PCDHGB6: variants seen among roughly 807,000 people sequenced by gnomAD.
PCDHGB6 encodes the protein protocadherin gamma subfamily B, 6, also known as protocadherin gamma-B6.
Under a neutral mutation model 59.1 loss-of-function variants are expected in PCDHGB6, and 51 were observed. The observed-to-expected ratio is 0.86, with a 90% CI of 0.69 to 1.09. The LOEUF is 1.09. Among genes scored for constraint, PCDHGB6 ranks in the 50% least tolerant of loss-of-function variants. PCDHGB6 has a pLI of 0.00. For synonymous variants in PCDHGB6, 466 were observed against 495.1 expected, an observed-to-expected ratio of 0.94 and a Z score of 0.78; for missense variants, 1,148 against 1,205.1, an observed-to-expected ratio of 0.95 and a Z score of 0.70.
Position 141,477,966 on chromosome 5 carries a change from G to A in PCDHGB6, c.2419-16841G>A, listed in dbSNP as rs2099426792. 6.2e-7 allele frequency: 1 copy of A among 1,614,118 alleles called. No individual in the cohort carries two copies. The highest frequency in any genetic ancestry group is 8.5e-7 in the Non-Finnish European group (1 of 1,180,036). ...AGTCTCTTGGGATCCCCTAACCAGAGCCTTTTTGCCATAGGGCTGCACACT... is the reference window on the plus strand; with the variant it reads ...AGTCTCTTGGGATCCCCTAACCAGAACCTTTTTGCCATAGGGCTGCACACT... On this transcript the variant is annotated intron_variant, in intron 1 of 3. Transcript: ENST00000520790. This position sits in a 1 kb window ranked among gnomAD's most constrained non-coding sequence, Gnocchi z 4.9.
chr5:141,428,392 T>A, intron 1 of PCDHGB6: 1 of 497,196 alleles, frequency 2.0e-6, no homozygotes, highest in Admixed American at 3.1e-5. Flanking sequence ...TTCCAGCCCC[T>A]CTGCCTGGGG....
At chr5:141,415,293 C>T in intron 1 of PCDHGB6, 1 of 1,614,192 alleles carries the variant, frequency 6.2e-7, no homozygotes, top group Non-Finnish European at 8.5e-7. Flanking sequence ...CGGTCTCCTG[C>T]GTCTTCCTGG....
Position 141,511,380 on chromosome 5 carries a change from C to T in PCDHGB6, c.*207C>T, listed in dbSNP as rs896762148. 1.5e-5 allele frequency: 18 copies of T among 1,170,372 alleles called. No homozygotes were observed. The highest frequency in any genetic ancestry group is 3.0e-4 in the Middle Eastern group (1 of 3,384). 72.5% of individuals were successfully genotyped at this position (1,170,372 alleles called of 1,614,324 possible). ...GGGGTTGAATATGCAAAAGCAGTTC[C>T]GCTGGGAACCCCCATCCAATCAACT... is the stretch of plus-strand genomic sequence containing the variant. On this transcript the variant is annotated 3_prime_UTR_variant, in exon 4 of 4. Coordinates refer to ENST00000520790, the MANE Select transcript of PCDHGB6 (RefSeq NM_018926.3).
At position 141,431,569 on chromosome 5, in the gene PCDHGB6, CGAA is replaced by C. The variant is rs780392922; in HGVS notation, c.2418+20951_2418+20953del. The C allele has an allele frequency of 1.9e-6, 3 of 1,614,000 alleles. No homozygotes were observed. The highest frequency in any genetic ancestry group is 2.7e-5 in the African/African-American group (2 of 74,932). ...TTGTAGTCAACGCTACCGACCCTGA[CGAA>C]GGAGTCAATGCGGAAGTGAGGTATT... On this transcript the variant is annotated intron_variant, in intron 1 of 3. Transcript: ENST00000520790. This position sits in a 1 kb window ranked among gnomAD's most constrained non-coding sequence, Gnocchi z 4.8.
rs765249445 is a variant in PCDHGB6, at chr5:141,489,754, C to T, written c.2419-5053C>T. ...CACCAATACTGTGAGCTTTTACACT[C>T]TAAGCCCCAACAGCCACTTCTCTCT... is the stretch of plus-strand genomic sequence containing the variant. On this transcript the variant is annotated intron_variant, in intron 1 of 3. Coordinates refer to ENST00000520790, the MANE Select transcript of PCDHGB6 (RefSeq NM_018926.3). The surrounding 1 kb of genome is among the most constrained non-coding windows in gnomAD (Gnocchi z 4.5). The T allele has an allele frequency of 4.0e-5, 64 of 1,613,992 alleles. No individual in the cohort carries two copies. The South Asian group carries it at 6.8e-4, about 17-fold the overall frequency.
At chr5:141,481,024 C>CTGGA (rs1200299352) in intron 1 of PCDHGB6, among the ~76,000 whole-genome samples, 3 of 152,122 alleles carry the variant, frequency 2.0e-5, no homozygotes, top group Admixed American at 1.3e-4. Flanking sequence ...CACCACTGCA[C>CTGGA]TCCAGCCTGG....
chr5:141,497,824 T>G (rs1164705269), intron 2 of PCDHGB6, among the ~76,000 whole-genome samples: 1 of 152,086 alleles, frequency 6.6e-6, no homozygotes, highest in African/African-American at 2.4e-5. Flanking sequence ...ACAGGTGTGA[T>G]CGCCCCCGGC....
At chr5:141,467,748 G>A (rs186276272) in intron 1 of PCDHGB6, among the ~76,000 whole-genome samples, 22 of 151,912 alleles carry the variant, frequency 1.4e-4, no homozygotes, top group South Asian at 2.1e-4. Context: ...TGCAACCTCC[G>A]CCTCACATGC....
intron 1 of PCDHGB6, among the ~76,000 whole-genome samples, chr5:141,484,645 T>C (rs948669787): frequency 1.3e-5 from 2 of 151,970 alleles, no homozygotes; most frequent in Admixed American, 6.6e-5. Context: ...CACTCTCCAA[T>C]GGCTACTCTC....
chr5:141,491,118 T>C lies in PCDHGB6; in HGVS notation c.2419-3689T>C, dbSNP rs1421005816. Reference sequence around the variant, plus strand: ...TGTTCCTCGTGTCTACACACACTGGTGAGGTGCGCACAGCCCGGGCCTTAC... The same window carrying C: ...TGTTCCTCGTGTCTACACACACTGGCGAGGTGCGCACAGCCCGGGCCTTAC... On this transcript the variant is annotated intron_variant, in intron 1 of 3. Coordinates refer to ENST00000520790, the MANE Select transcript of PCDHGB6 (RefSeq NM_018926.3). This position sits in a 1 kb window ranked among gnomAD's most constrained non-coding sequence, Gnocchi z 6.9. The C allele has an allele frequency of 1.2e-6, 2 of 1,613,926 alleles. No homozygotes were observed. Among genetic ancestry groups the C allele is most frequent in the African/African-American group, 2.7e-5 (2 of 74,890 alleles).
At chr5:141,455,292 G>A (rs2098818902) in intron 1 of PCDHGB6, among the ~76,000 whole-genome samples, 1 of 152,068 alleles carries the variant, frequency 6.6e-6, no homozygotes, top group East Asian at 1.9e-4. Context: ...ACTTTACATA[G>A]TTTCATCTTG....
At chr5:141,478,345 C>T (rs755421316) in intron 1 of PCDHGB6, 3 of 1,613,850 alleles carry the variant, frequency 1.9e-6, no homozygotes, top group East Asian at 4.5e-5. Context: ...CCTCCTTGCA[C>T]GCGGACGCCG....
At chr5:141,454,311 T>G (rs755771201) in intron 1 of PCDHGB6, among the ~76,000 whole-genome samples, 6 of 152,216 alleles carry the variant, frequency 3.9e-5, no homozygotes, top group Admixed American at 2.6e-4. Context: ...TTTCAAAGCA[T>G]TGAAACCTCC....
chr5:141,504,510 C>T (rs2099838864), intron 2 of PCDHGB6, among the ~76,000 whole-genome samples: 1 of 151,952 alleles, frequency 6.6e-6, no homozygotes, highest in Non-Finnish European at 1.5e-5. Context: ...GAGTGGATCT[C>T]CTCTGATATA....
intron 1 of PCDHGB6, among the ~76,000 whole-genome samples, chr5:141,446,128 G>A (rs1242643475): frequency 3.3e-5 from 5 of 152,188 alleles, no homozygotes; most frequent in Non-Finnish European, 7.3e-5. Flanking sequence ...GGTTCAATAA[G>A]ACTTAATAAT....
chr5:141,423,297 C>G lies in PCDHGB6; in HGVS notation c.2418+12677C>G, dbSNP rs1322889810. 3 of 1,614,170 alleles carry G rather than the reference C, an allele frequency of 1.9e-6. 1 individual carries two copies. The South Asian group carries it at 3.3e-5, about 18-fold the overall frequency. The stretch of plus-strand genomic sequence containing the variant: ...TGGCTAACTCTGAAACCTCAGACCT[C>G]TCGCTGTACTTGGTGGTGGCGGTGG... On this transcript the variant is annotated intron_variant, in intron 1 of 3. Transcript: ENST00000520790.
At position 141,489,078 on chromosome 5, in the gene PCDHGB6, G is replaced by A. The variant is rs990356560; in HGVS notation, c.2419-5729G>A. ...GCTCCCCTCCCCCCTGCCCACCCCC[G>A]CCACTCGGTGACTAAGAACTGCTGC... On this transcript the variant is annotated intron_variant, in intron 1 of 3. Transcript: ENST00000520790. The surrounding 1 kb of genome is among the most constrained non-coding windows in gnomAD (Gnocchi z 4.5). 6.9e-5 allele frequency: 11 copies of A among 160,224 alleles called. 1 individual carries two copies. Among genetic ancestry groups the A allele is most frequent in the Admixed American group, 3.7e-4 (4 of 10,708 alleles). The allele number at this position is 160,224 out of a possible 1,614,324, so 9.9% of individuals were successfully genotyped here.
chr5:141,495,103 C>T (rs1383918796), intron 2 of PCDHGB6, among the ~76,000 whole-genome samples: 2 of 152,132 alleles, frequency 1.3e-5, no homozygotes, highest in Non-Finnish European at 2.9e-5. Context: ...TCGCCACGAC[C>T]GGCACCTTTT....
In PCDHGB6 at chr5:141,486,565, T is replaced by C; in HGVS notation, c.2419-8242T>C. ...TTCAGAGGTCACATGAGGTGTTTGT[T>C]CCTGAGAACAATCGCCCAGGGGACC... On this transcript the variant is annotated intron_variant, in intron 1 of 3. Coordinates refer to ENST00000520790, the MANE Select transcript of PCDHGB6 (RefSeq NM_018926.3). The surrounding 1 kb of genome is among the most constrained non-coding windows in gnomAD (Gnocchi z 5.0). 6.2e-7 allele frequency: 1 copy of C among 1,614,024 alleles called. No homozygotes were observed. Among genetic ancestry groups the C allele is most frequent in the Non-Finnish European group, 8.5e-7 (1 of 1,180,032 alleles).
Sources: gnomAD v4.1 joint callset for allele counts (sites outside exome capture counted in the v4.1 genomes callset) on GRCh38, gnomAD v4.1.1 for gene constraint, Gnocchi (gnomAD v3.1) non-coding constraint, MANE v1.5 for transcripts, NCBI Gene and HGNC (gene_info 2026-07-23, HGNC 2026-07-21) for gene names.